The following CNTN5 variants were observed in gnomAD, a reference collection of about 807,000 sequenced individuals.
The protein encoded by CNTN5 is contactin-5.
In CNTN5, 77 loss-of-function variants were observed where a neutral mutation model predicts 129.1. The observed-to-expected ratio is 0.60, with a 90% CI of 0.50 to 0.72. The LOEUF (loss-of-function observed/expected upper bound fraction) is 0.72. Ranked by LOEUF, CNTN5 falls within the 30% of genes least tolerant of loss-of-function variation. The pLI is 0.00. For missense variants in CNTN5, 1,478 were observed against 1,328.8 expected (o/e 1.11, Z -1.75); for synonymous variants, 509 against 465.6 (o/e 1.09, Z -1.20).
Position 99,675,448 on chromosome 11 carries a change from C to T in CNTN5, c.55+119179C>T, listed in dbSNP as rs952815110. Among the ~76,000 whole-genome samples the T allele has an allele frequency of 5.3e-5, 8 of 152,038 alleles. No individual in the cohort carries two copies. The South Asian group carries it at 6.2e-4, about 12-fold the overall frequency. The stretch of plus-strand genomic sequence containing the variant: ...CTGTAATCCTAGCACTTTGGGAGGC[C>T]GAGGAGGGCAGATTGCCTGAGCTCG... On this transcript the variant is annotated intron_variant, in intron 3 of 24. Coordinates refer to ENST00000524871, the MANE Select transcript of CNTN5 (RefSeq NM_014361.4).
At chr11:99,287,006 A>C (rs1321820723) in intron 1 of CNTN5, among the ~76,000 whole-genome samples, 3 of 152,182 alleles carry the variant, frequency 2.0e-5, no homozygotes, top group Non-Finnish European at 4.4e-5. Context: ...ATACCTTTAA[A>C]ATTCTGAAGA....
chr11:100,263,411 G>A (rs1271169397), intron 17 of CNTN5, among the ~76,000 whole-genome samples: 1 of 152,112 alleles, frequency 6.6e-6, no homozygotes, highest in Non-Finnish European at 1.5e-5. Flanking sequence ...ATATCAGAAG[G>A]AGAAAATTTG....
At chr11:99,523,664 C>CAGAATAGAAT (rs1565258722) in intron 2 of CNTN5, among the ~76,000 whole-genome samples, 1 of 28,878 alleles carries the variant, frequency 3.5e-5, no homozygotes, top group African/African-American at 1.6e-4. Flanking sequence ...CAGAACAGAT[C>CAGAATAGAAT]AGAACAGAAC....
chr11:100,332,354 C>CA (rs147183983), intron 21 of CNTN5, among the ~76,000 whole-genome samples: 4 of 150,248 alleles, frequency 2.7e-5, no homozygotes, highest in South Asian at 2.1e-4. Flanking sequence ...AAATTGCCAA[C>CA]AAAAAAAAAG....
At chr11:99,908,701 G>A (rs777281009) in intron 6 of CNTN5, among the ~76,000 whole-genome samples, 10 of 152,022 alleles carry the variant, frequency 6.6e-5, no homozygotes, top group Admixed American at 1.3e-4. Context: ...TGTTGAAGTA[G>A]CTTTTTGTAA....
chr11:99,803,768 T>C (rs905141807), intron 3 of CNTN5, among the ~76,000 whole-genome samples: 1 of 152,224 alleles, frequency 6.6e-6, no homozygotes, highest in African/African-American at 2.4e-5. Context: ...GTTTCTCTCA[T>C]GTGCTGGGGT....
chr11:99,295,305 A>G (rs1864336749), intron 1 of CNTN5, among the ~76,000 whole-genome samples: 1 of 152,206 alleles, frequency 6.6e-6, no homozygotes, highest in Non-Finnish European at 1.5e-5. Flanking sequence ...CATTTGATGT[A>G]TTTCTCTATA....
chr11:99,633,724 C>A (rs1187848629), intron 3 of CNTN5, among the ~76,000 whole-genome samples: 2 of 152,118 alleles, frequency 1.3e-5, no homozygotes, highest in East Asian at 3.9e-4. Context: ...TTCTCCTGAT[C>A]AGGAAAAGTG....
At chr11:99,356,635 T>C (rs1938692779) in intron 2 of CNTN5, among the ~76,000 whole-genome samples, 1 of 152,200 alleles carries the variant, frequency 6.6e-6, no homozygotes, top group Non-Finnish European at 1.5e-5. Context: ...TTAGAGTATA[T>C]TTACCTTTAA....
chr11:99,783,413 G>A (rs1327326136), intron 3 of CNTN5, among the ~76,000 whole-genome samples: 7 of 35,674 alleles, frequency 2.0e-4, no homozygotes, highest in African/African-American at 5.7e-4. Flanking sequence ...TCAGTGTGGC[G>A]ATTCCTCAGG....
In CNTN5 at chr11:100,200,660, T is replaced by TA. The variant is rs147732721; in HGVS notation, c.1884+6998dup. On this transcript the variant is annotated intron_variant, in intron 15 of 24. Coordinates refer to ENST00000524871, the MANE Select transcript of CNTN5 (RefSeq NM_014361.4). ...GGCATGCTTGGAAATATTAGATCAA[T>TA]ACCTTGGATTCTGTAATCTCTGAGG... Among the ~76,000 whole-genome samples, 776 of 151,966 alleles carry TA rather than the reference T, an allele frequency of 5.1e-3. 5 individuals carry two copies. The highest frequency in any genetic ancestry group is 0.018 in the African/African-American group (741 of 41,502).
At chr11:99,475,694 G>GT (rs1205689088) in intron 2 of CNTN5, among the ~76,000 whole-genome samples, 2 of 151,338 alleles carry the variant, frequency 1.3e-5, no homozygotes, top group Admixed American at 1.3e-4. Flanking sequence ...TATTATATTG[G>GT]TTTTTATTTG....
chr11:99,630,247 C>CATATAT (rs201091704), intron 3 of CNTN5, among the ~76,000 whole-genome samples: 1 of 151,024 alleles, frequency 6.6e-6, no homozygotes, highest in African/African-American at 2.4e-5. Context: ...TGTGTATATA[C>CATATAT]ATATATATAT....
Position 99,167,010 on chromosome 11 carries a change from C to T in CNTN5, c.-210+145740C>T, listed in dbSNP as rs556687823. On this transcript the variant is annotated intron_variant, in intron 1 of 24. Coordinates refer to ENST00000524871, the MANE Select transcript of CNTN5 (RefSeq NM_014361.4). ...AGAGTTAATTGCTTGAAAAGCTTTG[C>T]TACTTCTGAGGCTGCTGTGTACTTT... 1.5e-3 allele frequency among the ~76,000 whole-genome samples: 229 copies of T among 152,210 alleles called. 2 individuals are homozygous for T. Among genetic ancestry groups the T allele is most frequent in the Non-Finnish European group, 3.1e-4 (21 of 67,990 alleles).
At chr11:99,092,062 A>G (rs1211296428) in intron 1 of CNTN5, among the ~76,000 whole-genome samples, 2 of 152,162 alleles carry the variant, frequency 1.3e-5, no homozygotes, top group Non-Finnish European at 2.9e-5. Flanking sequence ...CCAATTTTGC[A>G]AACAGGAGCC....
intron 3 of CNTN5, among the ~76,000 whole-genome samples, chr11:99,776,422 T>C (rs1945126539): frequency 1.3e-5 from 2 of 152,024 alleles, no homozygotes; most frequent in African/African-American, 2.4e-5. Flanking sequence ...AAAGCATTGC[T>C]TTCCTATCAT....
intron 13 of CNTN5, among the ~76,000 whole-genome samples, chr11:100,142,939 T>A (rs1436753733): frequency 6.6e-6 from 1 of 152,158 alleles, no homozygotes; most frequent in Non-Finnish European, 1.5e-5. Context: ...ACCTAAACCT[T>A]GTTTCATGCA....
intron 1 of CNTN5, among the ~76,000 whole-genome samples, chr11:99,231,578 A>C (rs1861001398): frequency 6.6e-6 from 1 of 151,942 alleles, no homozygotes; most frequent in Admixed American, 6.6e-5. Flanking sequence ...GATTGCAAAA[A>C]TTTTCTCCCA....
chr11:99,375,736 T>TAC (rs1940143211), intron 2 of CNTN5, among the ~76,000 whole-genome samples: 1 of 152,182 alleles, frequency 6.6e-6, no homozygotes, highest in Non-Finnish European at 1.5e-5. Context: ...CTAGCTTCCT[T>TAC]ACACTGCAGT....
Sources: gnomAD v4.1 joint callset for allele counts (sites outside exome capture counted in the v4.1 genomes callset) on GRCh38, gnomAD v4.1.1 for gene constraint, MANE v1.5 for transcripts, NCBI Gene and HGNC (gene_info 2026-07-23, HGNC 2026-07-21) for gene names.